Variants in NR3C2 observed in about 807,000 individuals in gnomAD.
NR3C2 encodes the protein mineralocorticoid receptor.
Under a neutral mutation model 86.4 loss-of-function variants are expected in NR3C2, and 15 were observed. That is an observed-to-expected ratio of 0.17 (90% CI 0.12 to 0.27). NR3C2 has a LOEUF of 0.27. NR3C2 is among the 10% of genes least tolerant of loss of function. The pLI is 1.00. For synonymous variants in NR3C2, 458 were observed against 450.5 expected (o/e 1.02, Z -0.21); for missense variants, 960 against 1,195.6 (o/e 0.80, Z 2.91).
At chr4:148,304,926 T>C (rs755240984) in intron 2 of NR3C2, among the ~76,000 whole-genome samples, 2 of 151,624 alleles carry the variant, frequency 1.3e-5, no homozygotes, top group African/African-American at 2.4e-5. Flanking sequence ...AGATTTCTTT[T>C]AATAAATTCT....
chr4:148,090,497 A>G (rs1337202629), intron 8 of NR3C2, among the ~76,000 whole-genome samples: 1 of 152,240 alleles, frequency 6.6e-6, no homozygotes. Context: ...CATATGTACT[A>G]AGAAAAGGAA....
At chr4:148,188,059 G>A (rs34868943) in intron 4 of NR3C2, among the ~76,000 whole-genome samples, 179 of 152,214 alleles carry the variant, frequency 1.2e-3, no homozygotes, top group Non-Finnish European at 2.0e-3. Flanking sequence ...TCTCTACTAC[G>A]TTCCAATGGT....
chr4:148,402,836 G>A (rs1748236888), intron 2 of NR3C2, among the ~76,000 whole-genome samples: 1 of 152,012 alleles, frequency 6.6e-6, no homozygotes, highest in Non-Finnish European at 1.5e-5. Context: ...CACCTGACAT[G>A]AAAATAAGTC....
At chr4:148,339,942 T>C (rs1452575622) in intron 2 of NR3C2, among the ~76,000 whole-genome samples, 1 of 151,994 alleles carries the variant, frequency 6.6e-6, no homozygotes, top group Non-Finnish European at 1.5e-5. Flanking sequence ...GAAAGCAATC[T>C]CATTTACAGT....
chr4:148,412,892 C>A (rs947237948), intron 2 of NR3C2, among the ~76,000 whole-genome samples: 3 of 151,948 alleles, frequency 2.0e-5, no homozygotes, highest in Non-Finnish European at 4.4e-5. Context: ...CCCATCACAC[C>A]CCAGGTGACA....
intron 2 of NR3C2, among the ~76,000 whole-genome samples, chr4:148,267,463 A>G (rs1047203087): frequency 3.3e-5 from 5 of 152,142 alleles, no homozygotes; most frequent in African/African-American, 1.2e-4. Flanking sequence ...GTGGACCTAT[A>G]GGTAATTCTA....
intron 1 of NR3C2, among the ~76,000 whole-genome samples, chr4:148,437,728 G>A (rs1162266363): frequency 6.6e-6 from 1 of 152,106 alleles, no homozygotes; most frequent in Admixed American, 6.6e-5. Context: ...GAGGAGCCCC[G>A]AAAATTTAAG....
In NR3C2 at chr4:148,435,439, T is replaced by C. The variant is rs1463514405; in HGVS notation, c.1422A>G (p.Gly474=). The C allele has an allele frequency of 1.2e-6, 2 of 1,614,008 alleles. No homozygotes were observed. The highest frequency in any genetic ancestry group is 2.7e-5 in the African/African-American group (2 of 74,890). The change falls in exon 2 of 9, where the codon GGA becomes GGG. Residue 474 remains glycine (G), a synonymous_variant. Coordinates refer to ENST00000358102, the MANE Select transcript of NR3C2 (RefSeq NM_000901.5). ...TACCATCAAAGCCGGGCACAGGTGG[T>C]CCTAAAATTCCTGATAGGGAATAAT... The part of the protein sequence containing the change: ...KDYYSLSGIL[G]PPVPGFDGNC...
Position 148,363,504 on chromosome 4 carries a change from C to CTTTTTTTTT in NR3C2, c.1757+71599_1757+71600insAAAAAAAAA, listed in dbSNP as rs1375693723. ...ATTAAAGTCTAGACTTCTCATAGAT[C>CTTTTTTTTT]TCTTTTTTTTTTTTTTTGAGACGGA... On this transcript the variant is annotated intron_variant, in intron 2 of 8. Coordinates refer to ENST00000358102, the MANE Select transcript of NR3C2 (RefSeq NM_000901.5). Among the ~76,000 whole-genome samples, 433 of 69,808 alleles carry CTTTTTTTTT rather than the reference C, an allele frequency of 6.2e-3. 76 individuals are homozygous for CTTTTTTTTT. The highest frequency in any genetic ancestry group is 0.017 in the African/African-American group (280 of 16,764). The allele number at this position is 69,808 out of a possible 152,430, so 45.8% of individuals were successfully genotyped here.
chr4:148,150,997 G>A (rs1375136514), intron 6 of NR3C2, among the ~76,000 whole-genome samples: 1 of 152,126 alleles, frequency 6.6e-6, no homozygotes, highest in African/African-American at 2.4e-5. Flanking sequence ...AGAGGCTTAG[G>A]GGAGGGGATA....
At chr4:148,316,326 T>C (rs554210730) in intron 2 of NR3C2, among the ~76,000 whole-genome samples, 3 of 152,312 alleles carry the variant, frequency 2.0e-5, no homozygotes, top group Non-Finnish European at 4.4e-5. Context: ...TGTATAGTTA[T>C]GTATAATAAA....
chr4:148,270,163 G>A (rs1740607485), intron 2 of NR3C2, among the ~76,000 whole-genome samples: 1 of 150,656 alleles, frequency 6.6e-6, no homozygotes, highest in Middle Eastern at 3.4e-3. Context: ...AACAAAATAT[G>A]GCTTCTTTCT....
At chr4:148,322,246 C>G (rs1743646574) in intron 2 of NR3C2, among the ~76,000 whole-genome samples, 1 of 149,890 alleles carries the variant, frequency 6.7e-6, no homozygotes, top group African/African-American at 2.5e-5. Context: ...GCTGAGAGAT[C>G]CGCTGTTAGT....
At chr4:148,351,948 A>G (rs769546900) in intron 2 of NR3C2, among the ~76,000 whole-genome samples, 84 of 152,270 alleles carry the variant, frequency 5.5e-4, no homozygotes, top group Non-Finnish European at 1.0e-3. Context: ...TCAGTATCCT[A>G]AACTCAGGAT....
intron 2 of NR3C2, among the ~76,000 whole-genome samples, chr4:148,322,113 T>G (rs1272716407): frequency 0.02 from 3,059 of 151,086 alleles, 34 homozygotes; most frequent in African/African-American, 0.03. Flanking sequence ...GTCTGTAAAG[T>G]ATTTTATTTC....
At chr4:148,091,543 A>G (rs1293971227) in intron 8 of NR3C2, among the ~76,000 whole-genome samples, 1 of 152,242 alleles carries the variant, frequency 6.6e-6, no homozygotes, top group Non-Finnish European at 1.5e-5. Flanking sequence ...CATATCAAAC[A>G]TCTGGGTCAG....
intron 2 of NR3C2, among the ~76,000 whole-genome samples, chr4:148,409,868 A>C (rs1169672706): frequency 6.6e-6 from 1 of 152,108 alleles, no homozygotes; most frequent in African/African-American, 2.4e-5. Context: ...TGTAAGGAAA[A>C]TATACTTTAT....
At chr4:148,321,637 CT>C (rs1255240391) in intron 2 of NR3C2, among the ~76,000 whole-genome samples, 1 of 152,058 alleles carries the variant, frequency 6.6e-6, no homozygotes, top group Admixed American at 6.6e-5. Context: ...ATGTAATGGC[CT>C]TCTTTGTCTC....
intron 3 of NR3C2, among the ~76,000 whole-genome samples, chr4:148,215,695 A>G (rs6846368): frequency 0.012 from 1,765 of 152,224 alleles, 22 homozygotes; most frequent in Non-Finnish European, 0.018. Flanking sequence ...GGTGACAATT[A>G]ACCTGTTAGG....
Sources: gnomAD v4.1 joint callset for allele counts (sites outside exome capture counted in the v4.1 genomes callset) on GRCh38, gnomAD v4.1.1 for gene constraint, MANE v1.5 for transcripts, NCBI Gene and HGNC (gene_info 2026-07-23, HGNC 2026-07-21) for gene names.